The following TRIM46 variants were observed in gnomAD, a reference collection of about 807,000 sequenced individuals.
The protein encoded by TRIM46 is tripartite motif containing 46, also known as tripartite motif-containing protein 46.
In TRIM46, 17 loss-of-function variants were observed where a neutral mutation model predicts 69.7. That is an observed-to-expected ratio of 0.24 (90% confidence interval 0.17 to 0.37). TRIM46 has a LOEUF of 0.37. TRIM46 is among the 10% of genes least tolerant of loss of function. TRIM46 has a pLI of 1.00. For synonymous variants in TRIM46, 391 were observed against 429.0 expected (o/e 0.91, Z 1.09); for missense variants, 675 against 1,025.1 (o/e 0.66, Z 4.66).
Position 155,175,742 on chromosome 1 carries a change from C to A in TRIM46, c.325+95C>A, listed in dbSNP as rs1265225473. 1.2e-6 allele frequency: 2 copies of A among 1,600,220 alleles called. No individual in the cohort carries two copies. The highest frequency in any genetic ancestry group is 1.1e-5 in the South Asian group (1 of 90,770). On this transcript the variant is annotated intron_variant, in intron 2 of 9. Transcript: ENST00000334634. This position sits in a 1 kb window ranked among gnomAD's most constrained non-coding sequence, Gnocchi z 4.2. ...TCACTGGTCAGAGGCATCTGTCTGT[C>A]TTTCTGGGGGGTGGAGATACTGCTT...
intron 7 of TRIM46, among the ~76,000 whole-genome samples, chr1:155,179,180 A>G (rs533048623): frequency 3.9e-5 from 6 of 151,942 alleles, no homozygotes; most frequent in Admixed American, 6.5e-5. Flanking sequence ...CTCTCTTCTG[A>G]GCCTGGTCCC....
intron 5 of TRIM46, 42 bp downstream of exon 5, chr1:155,177,332 A>G: frequency 6.5e-7 from 1 of 1,527,932 alleles, no homozygotes. Flanking sequence ...CCTGCCTGGG[A>G]GTAGGGGCAG....
Position 155,178,568 on chromosome 1 carries a change from G to A in TRIM46, c.1240G>A (p.Val414Met), listed in dbSNP as rs747314139. Residue 414 changes from valine to methionine, a missense_variant, in exon 7 of 10, where the codon GTG becomes ATG. Physicochemically the swap from Val to Met is conservative, Grantham distance 21. Transcript: ENST00000334634. ...CTCCTTCCGCCATTGCCAGCTCGAC[G>A]TGGGACGTGAGATGAAGCTGCTGAC... ...SSSFRHCQLD[V>M]GREMKLLTEL... 1.2e-5 allele frequency: 19 copies of A among 1,613,942 alleles called. No individual in the cohort carries two copies. Among genetic ancestry groups the A allele is most frequent in the Admixed American group, 8.3e-5 (5 of 60,002 alleles).
At chr1:155,174,145 G>A in intron 1 of TRIM46, 116 bp downstream of exon 1, 3 of 1,237,026 alleles carry the variant, frequency 2.4e-6, no homozygotes, top group Middle Eastern at 1.9e-4. Context: ...GGGGGCTAGC[G>A]ATGGCAGAAA....
intron 9 of TRIM46, among the ~76,000 whole-genome samples, chr1:155,183,404 C>T (rs768947459): frequency 7.2e-5 from 11 of 152,034 alleles, no homozygotes; most frequent in African/African-American, 9.7e-5. Flanking sequence ...ATCTCTCTCC[C>T]GACACCCACC....
At chr1:155,182,197 G>A (rs764885985) in intron 9 of TRIM46, 48 bp downstream of exon 9, 4 of 1,579,728 alleles carry the variant, frequency 2.5e-6, no homozygotes, top group Admixed American at 1.7e-5. Context: ...TGGTGGGAGT[G>A]AGGGGCACAG....
chr1:155,179,873 C>T lies in TRIM46; in HGVS notation c.1527C>T (p.Cys509=). Residue 509 remains cysteine (C), a synonymous_variant, in exon 8 of 10, where the codon TGC becomes TGT. Transcript: ENST00000334634. Reference sequence around the variant, plus strand: ...TGTATGTGCTGCGTGTCCGCGGCTGCAACAAGGCCGGCTACGGCGAATACA... The same window carrying T: ...TGTATGTGCTGCGTGTCCGCGGCTGTAACAAGGCCGGCTACGGCGAATACA... ...GSVYVLRVRG[C]NKAGYGEYSE... The T allele has an allele frequency of 6.2e-7, 1 of 1,609,374 alleles. No individual in the cohort carries two copies. Among genetic ancestry groups the T allele is most frequent in the Non-Finnish European group, 8.5e-7 (1 of 1,176,448 alleles).
chr1:155,179,921 G>GC lies in TRIM46; in HGVS notation c.1580dup (p.Ala528GlyfsTer10). On this transcript the variant is annotated frameshift_variant, in exon 8 of 10. Transcript: ENST00000334634. LOFTEE classifies it high-confidence loss of function. The stretch of plus-strand genomic sequence containing the variant: ...ACAGTGAAGATGTGCACCTGCACAC[G>GC]CCCCCGGCACCTGGTGAGTGGGCAG... 1 of 1,577,060 alleles carries GC rather than the reference G, an allele frequency of 6.3e-7. No homozygotes were observed.
Position 155,175,744 on chromosome 1 carries a change from T to A in TRIM46, c.325+97T>A, listed in dbSNP as rs1333043042. 4 of 1,600,010 alleles carry A rather than the reference T, an allele frequency of 2.5e-6. No homozygotes were observed. Among genetic ancestry groups the A allele is most frequent in the Non-Finnish European group, 3.4e-6 (4 of 1,171,666 alleles). On this transcript the variant is annotated intron_variant, in intron 2 of 9. Transcript: ENST00000334634. This position sits in a 1 kb window ranked among gnomAD's most constrained non-coding sequence, Gnocchi z 4.2. ...ACTGGTCAGAGGCATCTGTCTGTCT[T>A]TCTGGGGGGTGGAGATACTGCTTAC...
rs775801633 is a variant in TRIM46 at position 155,175,105 on chromosome 1, C to T, written c.64-281C>T. ...CAGGTGAGGGGGCTGCCAGCTGGGG[C>T]TACTGCAGCTGGAGAAATGGGGATT... On this transcript the variant is annotated intron_variant, in intron 1 of 9. Transcript: ENST00000334634. This position sits in a 1 kb window ranked among gnomAD's most constrained non-coding sequence, Gnocchi z 4.2. The T allele has an allele frequency of 3.0e-6, 4 of 1,355,366 alleles. No homozygotes were observed. Among genetic ancestry groups the T allele is most frequent in the Non-Finnish European group, 3.8e-6 (4 of 1,050,892 alleles). The allele number at this position is 1,355,366 out of a possible 1,614,324, so 84.0% of individuals were successfully genotyped here. A position where few individuals can be genotyped will look rare whatever the true frequency, so the allele number is the denominator to read the frequency against.
Position 155,174,039 on chromosome 1 carries a change from G to A in TRIM46, c.63+10G>A. On this transcript the variant is annotated intron_variant, in intron 1 of 9. Transcript: ENST00000334634. ...ACTGGTCCGCATCAGTGTGAGTTAA[G>A]GTGGGGTCGAGGGAAGGGGAGGGGG... The A allele has an allele frequency of 6.4e-7, 1 of 1,558,946 alleles. No homozygotes were observed. Among genetic ancestry groups the A allele is most frequent in the Non-Finnish European group, 8.7e-7 (1 of 1,151,610 alleles).
rs1017732966 is a variant in TRIM46, at chr1:155,173,865, C to T, written c.-102C>T. On this transcript the variant is annotated 5_prime_UTR_variant, in exon 1 of 10. Transcript: ENST00000334634. ...GGAGCATGCGCAGTGACACCTCAACCCCCAGCCCTCCTCACACCCCCACTG... is the reference window on the plus strand; with the variant it reads ...GGAGCATGCGCAGTGACACCTCAACTCCCAGCCCTCCTCACACCCCCACTG... 92 of 1,238,360 alleles carry T rather than the reference C, an allele frequency of 7.4e-5. No homozygotes were observed. The highest frequency in any genetic ancestry group is 1.0e-4 in the Non-Finnish European group (89 of 874,142). The allele number at this position is 1,238,360 out of a possible 1,614,324, so 76.7% of individuals were successfully genotyped here. A position where few individuals can be genotyped will look rare whatever the true frequency, so the allele number is the denominator to read the frequency against.
At position 155,177,056 on chromosome 1, in the gene TRIM46, G is replaced by T. The variant is rs746450023; in HGVS notation, c.794G>T (p.Ser265Ile). The change falls in exon 4 of 10, where the codon AGT becomes ATT. Residue 265 changes from serine to isoleucine, a missense_variant. Physicochemically the swap from Ser to Ile is moderately radical, Grantham distance 142 (BLOSUM62 -2). Coordinates refer to ENST00000334634, the MANE Select transcript of TRIM46 (RefSeq NM_025058.5). ...HSGHKITPVLSAYQALKDKLT... is the reference protein window; with the variant it reads ...HSGHKITPVLIAYQALKDKLT... ...GGGCACAAGATCACACCAGTGCTCA[G>T]TGCCTACCAGGCCCTCAAGGTAAGG... The T allele has an allele frequency of 3.7e-6, 6 of 1,613,324 alleles. No homozygotes were observed. The highest frequency in any genetic ancestry group is 5.1e-6 in the Non-Finnish European group (6 of 1,179,392).
Position 155,178,623 on chromosome 1 carries a change from T to C in TRIM46, c.1285+10T>C, listed in dbSNP as rs1190418110. On this transcript the variant is annotated intron_variant, in intron 7 of 9. Transcript: ENST00000334634. Reference sequence around the variant, plus strand: ...CTTAACTTCCTGCGAGGTAAGGAGATGGCCAGGCCCCATGCCCAACCAGAG... The same window carrying C: ...CTTAACTTCCTGCGAGGTAAGGAGACGGCCAGGCCCCATGCCCAACCAGAG... The C allele has an allele frequency of 1.2e-6, 2 of 1,611,758 alleles. No individual in the cohort carries two copies. Among genetic ancestry groups the C allele is most frequent in the South Asian group, 2.2e-5 (2 of 91,080 alleles).
At position 155,182,112 on chromosome 1, in the gene TRIM46, G is replaced by A; in HGVS notation, c.1849G>A (p.Glu617Lys). The change falls in exon 9 of 10, where the codon GAA becomes AAA. Residue 617 changes from glutamate to lysine, a missense_variant. Transcript: ENST00000334634. ...VGVGLESKLQ[E>K]SFQGAPDVIS... ...CGTCGGGCTGGAGAGCAAGCTTCAA[G>A]AAAGTTTCCAGGGTGCCCCCGATGT... 1 of 1,614,210 alleles carries A rather than the reference G, an allele frequency of 6.2e-7. No individual in the cohort carries two copies. Among genetic ancestry groups the A allele is most frequent in the Non-Finnish European group, 8.5e-7 (1 of 1,180,030 alleles).
rs1665556867 is a variant in TRIM46, at chr1:155,175,344, TA to T, written c.64-40del. The T allele has an allele frequency of 6.2e-7, 1 of 1,609,326 alleles. No individual in the cohort carries two copies. Among genetic ancestry groups the T allele is most frequent in the African/African-American group, 1.3e-5 (1 of 74,606 alleles). On this transcript the variant is annotated intron_variant, in intron 1 of 9. Transcript: ENST00000334634. This position sits in a 1 kb window ranked among gnomAD's most constrained non-coding sequence, Gnocchi z 4.2. ...AGCCAAGGGGCTGCTGAGGTATGCC[TA>T]AGTGTCCAAGCGCTGACCTAGCCTC...
chr1:155,182,974 G>A (rs192041262), intron 9 of TRIM46: 1 of 142,510 alleles, frequency 7.0e-6, no homozygotes, highest in East Asian at 2.3e-4. Context: ...CTAGCGGCGC[G>A]ATCTCCGCTC....
At chr1:155,180,597 C>T (rs978820546) in intron 8 of TRIM46, 3 of 205,094 alleles carry the variant, frequency 1.5e-5, no homozygotes, top group East Asian at 9.3e-5. Flanking sequence ...TCCGACGTCT[C>T]GGAAAAATAA....
intron 1 of TRIM46, chr1:155,174,760 G>C (rs1471301131): frequency 6.8e-7 from 1 of 1,463,302 alleles, no homozygotes; most frequent in Non-Finnish European, 9.0e-7. Flanking sequence ...CGCTAGTTCG[G>C]AGAAGGGGGT....
Sources: gnomAD v4.1 joint callset for allele counts (sites outside exome capture counted in the v4.1 genomes callset) on GRCh38, gnomAD v4.1.1 for gene constraint, Gnocchi (gnomAD v3.1) non-coding constraint, MANE v1.5 for transcripts, NCBI Gene and HGNC (gene_info 2026-07-23, HGNC 2026-07-21) for gene names.